Variants in PHLDB1 observed in about 807,000 individuals in gnomAD.
PHLDB1 encodes the protein pleckstrin homology like domain family B member 1.
In PHLDB1, 65 loss-of-function variants were observed where a neutral mutation model predicts 139.3. The observed-to-expected ratio is 0.47, with a 90% confidence interval of 0.38 to 0.57. The LOEUF is 0.57. Among genes scored for constraint, PHLDB1 ranks in the 20% least tolerant of loss-of-function variants. The probability of loss-of-function intolerance (pLI) is 0.00; values close to 1 mark genes in which losing one functional copy is unlikely to be tolerated. For synonymous variants in PHLDB1, 679 were observed against 734.5 expected, an observed-to-expected ratio of 0.92 and a Z score of 1.22; for missense variants, 1,624 against 1,839.7, an observed-to-expected ratio of 0.88 and a Z score of 2.14.
chr11:118,656,647 A>G (rs781962957), intron 22 of PHLDB1, 36 bp from the exon 23 acceptor site: 12 of 1,600,272 alleles, frequency 7.5e-6, no homozygotes, highest in Non-Finnish European at 1.0e-5. Flanking sequence ...GGCATGGGTG[A>G]GCCCCATCTT....
rs1430183382 is a variant in PHLDB1 at position 118,611,035 on chromosome 11, A to C, written c.-21-2781A>C. Among the ~76,000 whole-genome samples, 1 of 152,124 alleles carries C rather than the reference A, an allele frequency of 6.6e-6. No individual in the cohort carries two copies. The highest frequency in any genetic ancestry group is 1.5e-5 in the Non-Finnish European group (1 of 68,012). ...CGGGGCCGGGCGGGCGGGTAATGACAGCCGGGTTGCTGGGGAGCCGCGGGC... is the reference window on the plus strand; with the variant it reads ...CGGGGCCGGGCGGGCGGGTAATGACCGCCGGGTTGCTGGGGAGCCGCGGGC... On this transcript the variant is annotated intron_variant, in intron 1 of 22. Transcript: ENST00000600882. This position sits in a 1 kb window ranked among gnomAD's most constrained non-coding sequence, Gnocchi z 4.7.
Position 118,610,507 on chromosome 11 carries a change from G to GCCCCCC in PHLDB1, c.-22+2810_-22+2811insCCCCCC. The GCCCCCC allele has an allele frequency of 4.7e-6, 1 of 212,116 alleles. No homozygotes were observed. Among genetic ancestry groups the GCCCCCC allele is most frequent in the Non-Finnish European group, 7.8e-6 (1 of 127,674 alleles). 13.1% of individuals were successfully genotyped at this position (212,116 alleles called of 1,614,324 possible). ...ATGCACCGCTTGGGCCGAGGCCGAG[G>GCCCCCC]CCGACCCCCAGGGACACAGGTGAGG... On this transcript the variant is annotated intron_variant, in intron 1 of 22. Coordinates refer to ENST00000600882, the MANE Select transcript of PHLDB1 (RefSeq NM_001144758.3). This position sits in a 1 kb window ranked among gnomAD's most constrained non-coding sequence, Gnocchi z 8.7.
Position 118,645,655 on chromosome 11 carries a change from A to C in PHLDB1, c.3416+5A>C, listed in dbSNP as rs540950313. 6.2e-7 allele frequency: 1 copy of C among 1,613,388 alleles called. No homozygotes were observed. The highest frequency in any genetic ancestry group is 2.2e-5 in the East Asian group (1 of 44,870). ...CTCCCCTGACAACATGTCCAGGTAC[A>C]CCCGACGCCTGGGCCCGCAGCCTCC... is the stretch of plus-strand genomic sequence containing the variant. On this transcript the variant is annotated splice_donor_5th_base_variant and intron_variant, in intron 16 of 22. Transcript: ENST00000600882. This position sits in a 1 kb window ranked among gnomAD's most constrained non-coding sequence, Gnocchi z 5.1.
At position 118,650,242 on chromosome 11, in the gene PHLDB1, T is replaced by C; in HGVS notation, c.3771+49T>C. On this transcript the variant is annotated intron_variant, in intron 19 of 22. Coordinates refer to ENST00000600882, the MANE Select transcript of PHLDB1 (RefSeq NM_001144758.3). The surrounding 1 kb of genome is among the most constrained non-coding windows in gnomAD (Gnocchi z 4.7). The stretch of plus-strand genomic sequence containing the variant: ...GGTGCTGGGGAGAGGGAGAATCCCG[T>C]GGTGAGAGGCACCTCCTGGGTCGTT... The C allele has an allele frequency of 2.2e-6, 3 of 1,395,050 alleles. No individual in the cohort carries two copies. Among genetic ancestry groups the C allele is most frequent in the Non-Finnish European group, 3.1e-6 (3 of 980,414 alleles). 86.4% of individuals were successfully genotyped at this position (1,395,050 alleles called of 1,614,324 possible). A position where few individuals can be genotyped will look rare whatever the true frequency, so the allele number is the denominator to read the frequency against.
At chr11:118,613,588 G>A in intron 1 of PHLDB1, 1 of 644,158 alleles carries the variant, frequency 1.6e-6, no homozygotes, top group Non-Finnish European at 2.4e-6. Context: ...GCTTACAGTG[G>A]CAGGGGGCAG....
intron 7 of PHLDB1, 43 bp downstream of exon 7, chr11:118,631,522 C>T (rs1944804773): frequency 7.1e-7 from 1 of 1,398,988 alleles, no homozygotes; most frequent in African/African-American, 1.5e-5. Context: ...TGAAGTTGGA[C>T]CTGCTGGGGG....
Position 118,645,548 on chromosome 11 carries a change from G to T in PHLDB1, c.3314G>T (p.Gly1105Val). 1 of 1,613,540 alleles carries T rather than the reference G, an allele frequency of 6.2e-7. No individual in the cohort carries two copies. Among genetic ancestry groups the T allele is most frequent in the Non-Finnish European group, 8.5e-7 (1 of 1,179,760 alleles). ...LPAGRERGEE[G>V]EHAYDTLSLE... Reference sequence around the variant, plus strand: ...GCGGGGCGGGAGCGTGGGGAGGAGGGTGAGCACGCCTATGATACGCTGAGT... The same window carrying T: ...GCGGGGCGGGAGCGTGGGGAGGAGGTTGAGCACGCCTATGATACGCTGAGT... The change falls in exon 16 of 23, where the codon GGT (glycine) becomes GTT (valine). Residue 1105 changes from glycine (G) to valine (V), a missense_variant. By Grantham distance (109) the Gly-to-Val change is moderately radical. Coordinates refer to ENST00000600882, the MANE Select transcript of PHLDB1 (RefSeq NM_001144758.3). The surrounding 1 kb of genome is among the most constrained non-coding windows in gnomAD (Gnocchi z 5.1).
In PHLDB1 at chr11:118,616,043, A is replaced by T; in HGVS notation, c.187A>T (p.Arg63Trp). 6.2e-7 allele frequency: 1 copy of T among 1,612,142 alleles called. No homozygotes were observed. The highest frequency in any genetic ancestry group is 8.5e-7 in the Non-Finnish European group (1 of 1,178,856). The change falls in exon 4 of 23, where the codon AGG becomes TGG. Residue 63 changes from arginine (R) to tryptophan (W), a missense_variant and splice_region_variant. Arg to Trp is a moderately radical substitution (Grantham distance 101). Transcript: ENST00000600882. The part of the protein sequence containing the change: ...AITLLPLEEG[R>W]TVIGSAARDI... ...TTCAGTTTGCCTCTTGTCTCCAGGG[A>T]GGACGGTGATTGGCTCTGCAGCCAG...
intron 5 of PHLDB1, among the ~76,000 whole-genome samples, chr11:118,625,716 C>T (rs1001875170): frequency 1.3e-5 from 2 of 152,140 alleles, no homozygotes; most frequent in African/African-American, 4.8e-5. Flanking sequence ...ACATGGATGT[C>T]AGGTACACCT....
At chr11:118,618,557 T>A (rs536157066) in intron 4 of PHLDB1, among the ~76,000 whole-genome samples, 1 of 152,174 alleles carries the variant, frequency 6.6e-6, no homozygotes, top group South Asian at 2.1e-4. Flanking sequence ...TCTTTCCTTG[T>A]GTTTATCGAT....
In PHLDB1 at chr11:118,627,986, T is replaced by C; in HGVS notation, c.1163T>C (p.Val388Ala). The C allele has an allele frequency of 6.2e-7, 1 of 1,613,732 alleles. No homozygotes were observed. Among genetic ancestry groups the C allele is most frequent in the Non-Finnish European group, 8.5e-7 (1 of 1,179,958 alleles). ...IPGSPKFQPPVPAPRNKIGTL... is the reference protein window; with the variant it reads ...IPGSPKFQPPAPAPRNKIGTL... ...GGCAGCCCCAAGTTTCAGCCTCCAG[T>C]CCCTGCTCCCCGAAACAAGATTGGC... Residue 388 changes from valine to alanine, a missense_variant, in exon 6 of 23, where the codon GTC becomes GCC. Physicochemically the swap from Val to Ala is moderately conservative, Grantham distance 64 (BLOSUM62 0). Coordinates refer to ENST00000600882, the MANE Select transcript of PHLDB1 (RefSeq NM_001144758.3).
intron 20 of PHLDB1, chr11:118,653,038 C>T (rs1948555548): frequency 6.6e-6 from 1 of 152,396 alleles, no homozygotes; most frequent in African/African-American, 2.4e-5. Context: ...GGGATGGGAG[C>T]TTGTCAAGAG....
At position 118,632,966 on chromosome 11, in the gene PHLDB1, TGA is replaced by T. The variant is rs1255786552; in HGVS notation, c.2379+673_2379+674del. On this transcript the variant is annotated intron_variant, in intron 9 of 22. Coordinates refer to ENST00000600882, the MANE Select transcript of PHLDB1 (RefSeq NM_001144758.3). The surrounding 1 kb of genome is among the most constrained non-coding windows in gnomAD (Gnocchi z 5.9). ...AGTTTCTTCCTCCTGCCCTCAATTT[TGA>T]GAATCTTAAAAATTCTTTGACCCTT... 2.4e-6 allele frequency: 1 copy of T among 420,350 alleles called. No individual in the cohort carries two copies. The highest frequency in any genetic ancestry group is 3.2e-6 in the Non-Finnish European group (1 of 313,620). 26.0% of individuals were successfully genotyped at this position (420,350 alleles called of 1,614,324 possible).
chr11:118,619,108 A>G (rs782493040), intron 4 of PHLDB1, among the ~76,000 whole-genome samples: 5 of 152,116 alleles, frequency 3.3e-5, no homozygotes, highest in Non-Finnish European at 5.9e-5. Flanking sequence ...ATGAGGAGGA[A>G]TCTCAATCTG....
chr11:118,610,436 G>C lies in PHLDB1; in HGVS notation c.-22+2737G>C. ...TGTGCGCCTGGAGGGCGAAGGCGGCGGCCGAGAGGACCCCAGCTCGGCCTG... is the reference window on the plus strand; with the variant it reads ...TGTGCGCCTGGAGGGCGAAGGCGGCCGCCGAGAGGACCCCAGCTCGGCCTG... On this transcript the variant is annotated intron_variant, in intron 1 of 22. Coordinates refer to ENST00000600882, the MANE Select transcript of PHLDB1 (RefSeq NM_001144758.3). This position sits in a 1 kb window ranked among gnomAD's most constrained non-coding sequence, Gnocchi z 8.7. 1.0e-6 allele frequency: 1 copy of C among 985,504 alleles called. No homozygotes were observed. Among genetic ancestry groups the C allele is most frequent in the Non-Finnish European group, 1.2e-6 (1 of 829,980 alleles). 61.0% of individuals were successfully genotyped at this position (985,504 alleles called of 1,614,324 possible).
In PHLDB1 at chr11:118,627,369, C is replaced by T. The variant is rs1944061930; in HGVS notation, c.546C>T (p.Ala182=). The change falls in exon 6 of 23, where the codon GCC becomes GCT. Residue 182 remains alanine (A), a synonymous_variant. Transcript: ENST00000600882. ...TPQTATRGPS[A]CASHSSLVSS... is the part of the protein sequence containing the mutation. Reference sequence around the variant, plus strand: ...AGACTGCAACACGGGGACCCTCTGCCTGTGCCAGCCACAGTTCCCTGGTGA... The same window carrying T: ...AGACTGCAACACGGGGACCCTCTGCTTGTGCCAGCCACAGTTCCCTGGTGA... 1 of 1,614,176 alleles carries T rather than the reference C, an allele frequency of 6.2e-7. No homozygotes were observed. The highest frequency in any genetic ancestry group is 1.3e-5 in the African/African-American group (1 of 75,070).
chr11:118,644,804 G>A, intron 15 of PHLDB1: 1 of 612,532 alleles, frequency 1.6e-6, no homozygotes, highest in Non-Finnish European at 2.5e-6. Flanking sequence ...CCCAGGCTGA[G>A]CTGGGTTGGG....
At chr11:118,622,617 C>T (rs533064951) in intron 4 of PHLDB1, among the ~76,000 whole-genome samples, 1 of 152,298 alleles carries the variant, frequency 6.6e-6, no homozygotes, top group Non-Finnish European at 1.5e-5. Context: ...CTGGAATCCA[C>T]TCAGACTCCC....
intron 9 of PHLDB1, chr11:118,634,753 G>C (rs1945334194): frequency 4.2e-6 from 1 of 239,984 alleles, no homozygotes; most frequent in South Asian, 3.5e-5. Context: ...TCTCCTCTTT[G>C]ATTCTAGCCT....
Sources: allele counts gnomAD v4.1 joint callset (sites outside exome capture counted in the v4.1 genomes callset), GRCh38; gene constraint gnomAD v4.1.1; non-coding constraint Gnocchi (gnomAD v3.1); transcripts MANE v1.5; gene names NCBI Gene and HGNC (gene_info 2026-07-23, HGNC 2026-07-21).